The following GTPBP10 variants were observed in gnomAD, a reference collection of about 807,000 sequenced individuals.
GTPBP10 encodes the protein GTP-binding protein 10.
In GTPBP10, 38 loss-of-function variants were observed where a neutral mutation model predicts 44.8. That is an observed-to-expected ratio of 0.85 (90% CI 0.65 to 1.11). The LOEUF (loss-of-function observed/expected upper bound fraction) is 1.11, where lower values mean the gene tolerates loss of function less well. GTPBP10 is among the 50% of genes most tolerant of loss of function. The probability of loss-of-function intolerance (pLI) is 0.00; values close to 1 mark genes in which losing one functional copy is unlikely to be tolerated. For missense variants in GTPBP10, 462 were observed against 453.7 expected, an observed-to-expected ratio of 1.02 and a Z score of -0.17; for synonymous variants, 152 against 150.6, an observed-to-expected ratio of 1.01 and a Z score of -0.07.
intron 4 of GTPBP10, among the ~76,000 whole-genome samples, chr7:90,358,971 G>A (rs953255364): frequency 1.3e-5 from 2 of 152,112 alleles, no homozygotes; most frequent in South Asian, 4.1e-4. Flanking sequence ...GCATACAAAT[G>A]GCCAATACGC....
At position 90,385,194 on chromosome 7, in the gene GTPBP10, T is replaced by C; in HGVS notation, c.*40T>C. The C allele has an allele frequency of 7.1e-7, 1 of 1,403,898 alleles. No individual in the cohort carries two copies. Among genetic ancestry groups the C allele is most frequent in the Non-Finnish European group, 9.7e-7 (1 of 1,034,938 alleles). 87.0% of individuals were successfully genotyped at this position (1,403,898 alleles called of 1,614,324 possible). On this transcript the variant is annotated 3_prime_UTR_variant, in exon 10 of 10. Coordinates refer to ENST00000222511, the MANE Select transcript of GTPBP10 (RefSeq NM_033107.4). Reference sequence around the variant, plus strand: ...GTATTGATGGAACAGTATTTAATGCTTAAAAACAAGGAAATCCTTTCATCT... The same window carrying C: ...GTATTGATGGAACAGTATTTAATGCCTAAAAACAAGGAAATCCTTTCATCT...
intron 4 of GTPBP10, among the ~76,000 whole-genome samples, chr7:90,368,132 G>A (rs915974549): frequency 6.6e-6 from 1 of 152,158 alleles, no homozygotes; most frequent in Non-Finnish European, 1.5e-5. Flanking sequence ...GGCTTGTAGG[G>A]TTTCTGCCAA....
intron 4 of GTPBP10, among the ~76,000 whole-genome samples, chr7:90,362,356 G>A (rs1453553630): frequency 6.6e-6 from 1 of 152,094 alleles, no homozygotes; most frequent in African/African-American, 2.4e-5. Context: ...TGGTTTCAAA[G>A]AACATCTTTA....
rs1796535857 is a variant in GTPBP10 at position 90,387,025 on chromosome 7, ATAG to A, written c.*1875_*1877del. On this transcript the variant is annotated 3_prime_UTR_variant, in exon 10 of 10. Coordinates refer to ENST00000222511, the MANE Select transcript of GTPBP10 (RefSeq NM_033107.4). Reference sequence around the variant, plus strand: ...TTCCAACTTAGTGTTTTTTTACATAATAGTAGCAAGTTAAAAAATTGTACTTCA... The same window carrying A: ...TTCCAACTTAGTGTTTTTTTACATAATAGCAAGTTAAAAAATTGTACTTCA... The A allele has an allele frequency of 6.6e-6, 1 of 151,992 alleles. No homozygotes were observed. The highest frequency in any genetic ancestry group is 1.5e-5 in the Non-Finnish European group (1 of 68,000). The allele number at this position is 151,992 out of a possible 1,614,324, so 9.4% of individuals were successfully genotyped here.
At chr7:90,350,271 A>G (rs1795764828) in intron 1 of GTPBP10, among the ~76,000 whole-genome samples, 1 of 152,144 alleles carries the variant, frequency 6.6e-6, no homozygotes, top group South Asian at 2.1e-4. Context: ...CATCGTGTAT[A>G]TGTGCCACAT....
At chr7:90,370,731 C>A (rs1270844512) in intron 4 of GTPBP10, among the ~76,000 whole-genome samples, 1 of 152,170 alleles carries the variant, frequency 6.6e-6, no homozygotes, top group Non-Finnish European at 1.5e-5. Flanking sequence ...ATAGGTCGGA[C>A]ATGGTGGCTC....
intron 4 of GTPBP10, 34 bp from the exon 5 acceptor site, chr7:90,372,121 G>A: frequency 1.6e-6 from 2 of 1,287,544 alleles, no homozygotes; most frequent in South Asian, 1.2e-5. Flanking sequence ...TAATAATATT[G>A]ACATTTGTGT....
chr7:90,386,652 T>A lies in GTPBP10; in HGVS notation c.*1498T>A, dbSNP rs1355376977. On this transcript the variant is annotated 3_prime_UTR_variant, in exon 10 of 10. Transcript: ENST00000222511. ...TTGCTTGAGCCCAGGAGTTCATGCC[T>A]GAGCAACATAGCAAGACCCTGGCTC... 2.0e-5 allele frequency: 3 copies of A among 152,192 alleles called. No homozygotes were observed. The highest frequency in any genetic ancestry group is 7.2e-5 in the African/African-American group (3 of 41,446). 9.4% of individuals were successfully genotyped at this position (152,192 alleles called of 1,614,324 possible). A position where few individuals can be genotyped will look rare whatever the true frequency, so the allele number is the denominator to read the frequency against.
chr7:90,352,972 C>G lies in GTPBP10; in HGVS notation c.190C>G (p.Arg64Gly), dbSNP rs139533783. Residue 64 changes from arginine (R) to glycine (G), a missense_variant, in exon 2 of 10, where the codon CGG becomes GGG. Coordinates refer to ENST00000222511, the MANE Select transcript of GTPBP10 (RefSeq NM_033107.4). ...AAAACAACTTAAAGACAGGTATCCT[C>G]GGAAACGGTTTGTGGCTGGAGTAGG... ...TLKQLKDRYP[R>G]KRFVAGVGAN... The G allele has an allele frequency of 1.9e-6, 3 of 1,610,996 alleles. No individual in the cohort carries two copies. In the African/African-American group the frequency reaches 4.0e-5, roughly 22 times the overall value.
chr7:90,383,891 G>A (rs150635625), intron 9 of GTPBP10: 19 of 152,282 alleles, frequency 1.2e-4, no homozygotes, highest in African/African-American at 4.6e-4. Flanking sequence ...GCACCAGAAG[G>A]TCCTTTCCTC....
In GTPBP10 at chr7:90,388,608, CAT is replaced by C. The variant is rs1177591741; in HGVS notation, c.*3455_*3456del. On this transcript the variant is annotated 3_prime_UTR_variant, in exon 10 of 10. Transcript: ENST00000222511. ...AGGTGAACTTTTTTAAAATGGTAAA[CAT>C]GTATTAGTTACATAATCAGGAAAAA... 2 of 152,040 alleles carry C rather than the reference CAT, an allele frequency of 1.3e-5. No individual in the cohort carries two copies. Among genetic ancestry groups the C allele is most frequent in the Non-Finnish European group, 2.9e-5 (2 of 67,992 alleles). The allele number at this position is 152,040 out of a possible 1,614,324, so 9.4% of individuals were successfully genotyped here.
In GTPBP10 at chr7:90,390,097, T is replaced by C. The variant is rs1013824604; in HGVS notation, c.*4943T>C. 1 of 152,228 alleles carries C rather than the reference T, an allele frequency of 6.6e-6. No individual in the cohort carries two copies. The highest frequency in any genetic ancestry group is 2.4e-5 in the African/African-American group (1 of 41,440). 9.4% of individuals were successfully genotyped at this position (152,228 alleles called of 1,614,324 possible). On this transcript the variant is annotated 3_prime_UTR_variant, in exon 10 of 10. Coordinates refer to ENST00000222511, the MANE Select transcript of GTPBP10 (RefSeq NM_033107.4). ...TGAGCCATTTATGCCCAGCCAGTTTTCTTTTTTCTAATTGAAGCTTGGCAA... is the reference window on the plus strand; with the variant it reads ...TGAGCCATTTATGCCCAGCCAGTTTCCTTTTTTCTAATTGAAGCTTGGCAA...
chr7:90,361,041 G>T (rs183993733), intron 4 of GTPBP10, among the ~76,000 whole-genome samples: 1 of 152,184 alleles, frequency 6.6e-6, no homozygotes. Context: ...GGGCTGAGAC[G>T]ATGGTGTTTT....
At chr7:90,351,770 A>C (rs1048825156) in intron 1 of GTPBP10, among the ~76,000 whole-genome samples, 40 of 151,800 alleles carry the variant, frequency 2.6e-4, no homozygotes, top group Non-Finnish European at 4.1e-4. Context: ...ATCTCGGCCC[A>C]CTGCAAGCTC....
At chr7:90,362,024 C>T (rs866397559) in intron 4 of GTPBP10, among the ~76,000 whole-genome samples, 40 of 152,108 alleles carry the variant, frequency 2.6e-4, no homozygotes, top group Middle Eastern at 6.8e-3. Flanking sequence ...TCTCTCTTTT[C>T]CTCTTTATTA....
In GTPBP10 at chr7:90,384,975, G is replaced by GGA; in HGVS notation, c.988_989dup (p.Gly331LysfsTer6). The stretch of plus-strand genomic sequence containing the variant: ...TATCATCCCCATATCTGCAGTTACT[G>GGA]GAGAAGGAATCGAAGAATTAAAGAA... On this transcript the variant is annotated frameshift_variant, in exon 10 of 10. Coordinates refer to ENST00000222511, the MANE Select transcript of GTPBP10 (RefSeq NM_033107.4). LOFTEE classifies it high-confidence loss of function. 6.2e-7 allele frequency: 1 copy of GGA among 1,613,628 alleles called. No homozygotes were observed. The highest frequency in any genetic ancestry group is 8.5e-7 in the Non-Finnish European group (1 of 1,179,680).
intron 1 of GTPBP10, among the ~76,000 whole-genome samples, chr7:90,350,497 C>T (rs1795770213): frequency 6.6e-6 from 1 of 152,266 alleles, no homozygotes; most frequent in African/African-American, 2.4e-5. Context: ...ACAGTCAAAC[C>T]TCCTTCTAAA....
chr7:90,356,025 C>T lies in GTPBP10; in HGVS notation c.464+795C>T, dbSNP rs192751791. Among the ~76,000 whole-genome samples the T allele has an allele frequency of 4.7e-5, 7 of 147,428 alleles. No individual in the cohort carries two copies. The East Asian group carries it at 1.4e-3, about 30-fold the overall frequency. On this transcript the variant is annotated intron_variant, in intron 4 of 9. Transcript: ENST00000222511. ...ATTACACAGTTATTCAGATGGAAAG[C>T]TTAAGGACAAGATAAGGAAAACTGC...
At position 90,352,880 on chromosome 7, in the gene GTPBP10, C is replaced by A. The variant is rs1160174331; in HGVS notation, c.98C>A (p.Pro33His). The A allele has an allele frequency of 6.2e-7, 1 of 1,613,480 alleles. No individual in the cohort carries two copies. ...TRGGSGGMGY[P>H]RLGGEGGKGG... Reference sequence around the variant, plus strand: ...GGAGGATCCGGTGGAATGGGTTATCCTCGTTTAGGTGGAGAAGGTGGAAAA... The same window carrying A: ...GGAGGATCCGGTGGAATGGGTTATCATCGTTTAGGTGGAGAAGGTGGAAAA... The change falls in exon 2 of 10, where the codon CCT (proline) becomes CAT (histidine). Residue 33 changes from proline to histidine, a missense_variant. Physicochemically the swap from Pro to His is moderately conservative, Grantham distance 77 (BLOSUM62 -2). Coordinates refer to ENST00000222511, the MANE Select transcript of GTPBP10 (RefSeq NM_033107.4).
Sources: gnomAD v4.1 joint callset for allele counts (sites outside exome capture counted in the v4.1 genomes callset) on GRCh38, gnomAD v4.1.1 for gene constraint, MANE v1.5 for transcripts, NCBI Gene and HGNC (gene_info 2026-07-23, HGNC 2026-07-21) for gene names.